The following ZC3H12B variants were observed in gnomAD, a reference collection of about 807,000 sequenced individuals.
ZC3H12B encodes zinc finger CCCH-type containing 12B, also known as probable ribonuclease ZC3H12B.
Under a neutral mutation model 43.9 loss-of-function variants are expected in ZC3H12B, and 7 were observed. That is an observed-to-expected ratio of 0.16 (90% CI 0.09 to 0.30). The LOEUF is 0.30. ZC3H12B is among the 10% of genes least tolerant of loss of function. The pLI is 1.00. For missense variants in ZC3H12B, 475 were observed against 670.2 expected (o/e 0.71, Z 3.22); for synonymous variants, 222 against 241.7 (o/e 0.92, Z 0.76).
At chrX:65,149,426 C>A in the ZC3H12B span, among the ~76,000 whole-genome samples, 2 of 111,576 alleles carry the variant, frequency 1.8e-5, no homozygotes, top group Non-Finnish European at 3.8e-5. Flanking sequence ...AATTACATAG[C>A]AGATAGTTAT....
chrX:65,120,464 G>A, the ZC3H12B span, among the ~76,000 whole-genome samples: 102 of 111,097 alleles, frequency 9.2e-4, no homozygotes, highest in Non-Finnish European at 1.7e-3. Flanking sequence ...TTATTGGTGT[G>A]TAATAATGCT....
intron 3 of ZC3H12B, among the ~76,000 whole-genome samples, chrX:65,437,837 G>C (rs768570417): frequency 1.6e-4 from 18 of 112,078 alleles, no homozygotes; most frequent in Non-Finnish European, 2.8e-4. Flanking sequence ...CAATGTCTTG[G>C]AGAGTTTCCT....
At chrX:65,214,608 C>T in the ZC3H12B span, among the ~76,000 whole-genome samples, 1 of 111,584 alleles carries the variant, frequency 9.0e-6, no homozygotes, top group Non-Finnish European at 1.9e-5. Context: ...GCTATTTCTA[C>T]CACATCTTCA....
the ZC3H12B span, among the ~76,000 whole-genome samples, chrX:65,111,865 G>A: frequency 5.4e-5 from 6 of 110,223 alleles, no homozygotes; most frequent in Non-Finnish European, 1.1e-4. Flanking sequence ...TTTCCCTCTC[G>A]TCTTGTCTCC....
the ZC3H12B span, among the ~76,000 whole-genome samples, chrX:65,078,310 G>A: frequency 8.9e-6 from 1 of 112,376 alleles, no homozygotes; most frequent in African/African-American, 3.2e-5. Context: ...ACAGCTGTGA[G>A]ACTCAGTACA....
chrX:65,303,068 G>GA, the ZC3H12B span, among the ~76,000 whole-genome samples: 1 of 111,496 alleles, frequency 9.0e-6, no homozygotes, highest in Non-Finnish European at 1.9e-5. Context: ...AAATAACACT[G>GA]AAAAAATCTA....
chrX:65,360,396 G>C, the ZC3H12B span, among the ~76,000 whole-genome samples: 1 of 112,032 alleles, frequency 8.9e-6, no homozygotes, highest in Non-Finnish European at 1.9e-5. Context: ...CAAAATATTT[G>C]AATAGACACT....
At chrX:65,375,521 CGAAA>C (rs1270025278) in intron 2 of ZC3H12B, among the ~76,000 whole-genome samples, 3 of 111,683 alleles carry the variant, frequency 2.7e-5, no homozygotes, top group African/African-American at 9.8e-5. Flanking sequence ...CTCATGGCTG[CGAAA>C]GAGACACCTT....
the ZC3H12B span, among the ~76,000 whole-genome samples, chrX:65,192,769 CAGATAGATAGAT>C: frequency 9.6e-6 from 1 of 104,377 alleles, no homozygotes; most frequent in Non-Finnish European, 1.9e-5. Context: ...GGGATTTTCC[CAGATAGATAGAT>C]AGATAGATAG....
At chrX:65,339,412 G>A in the ZC3H12B span, among the ~76,000 whole-genome samples, 1 of 112,112 alleles carries the variant, frequency 8.9e-6, no homozygotes, top group East Asian at 2.8e-4. Flanking sequence ...ATTCTGGCAA[G>A]AGAAGACCCC....
intron 3 of ZC3H12B, among the ~76,000 whole-genome samples, chrX:65,419,682 G>A (rs2066996940): frequency 9.0e-6 from 1 of 110,630 alleles, no homozygotes; most frequent in Non-Finnish European, 1.9e-5. Context: ...CATGGCCCTA[G>A]AACCCTGGCC....
the ZC3H12B span, among the ~76,000 whole-genome samples, chrX:65,246,390 C>T: frequency 8.9e-6 from 1 of 112,196 alleles, no homozygotes; most frequent in Non-Finnish European, 1.9e-5. Flanking sequence ...TGACATTCTT[C>T]ACAGCACTAG....
chrX:65,469,436 G>C (rs1186414167), intron 3 of ZC3H12B: 1 of 459,481 alleles, frequency 2.2e-6, no homozygotes, highest in Non-Finnish European at 4.0e-6. Context: ...CAGAGCTGCG[G>C]CTGGGCCTCA....
At chrX:65,374,394 A>C (rs1170173146) in intron 2 of ZC3H12B, among the ~76,000 whole-genome samples, 1 of 102,696 alleles carries the variant, frequency 9.7e-6, no homozygotes, top group Non-Finnish European at 2.0e-5. Context: ...CCATGTAACA[A>C]ACTTGCAAAT....
chrX:65,140,592 A>T, the ZC3H12B span, among the ~76,000 whole-genome samples: 1 of 111,608 alleles, frequency 9.0e-6, no homozygotes, highest in South Asian at 3.7e-4. Context: ...TGTAGTGTCC[A>T]CTGGCTTTGG....
the ZC3H12B span, among the ~76,000 whole-genome samples, chrX:65,346,246 A>C: frequency 9.2e-6 from 1 of 108,792 alleles, no homozygotes. Context: ...TAACCAAAAC[A>C]GAATGGTACT....
At chrX:65,275,931 G>A in the ZC3H12B span, among the ~76,000 whole-genome samples, 3 of 111,788 alleles carry the variant, frequency 2.7e-5, no homozygotes, top group Non-Finnish European at 5.6e-5. Flanking sequence ...AATGCAGTGA[G>A]ACAATTCAAT....
the ZC3H12B span, among the ~76,000 whole-genome samples, chrX:65,121,119 G>T: frequency 7.2e-5 from 8 of 110,728 alleles, no homozygotes; most frequent in East Asian, 2.3e-3. Flanking sequence ...CTCTTTTTTG[G>T]TTGTGTCTCT....
chrX:65,154,619 C>T, the ZC3H12B span, among the ~76,000 whole-genome samples: 1 of 112,038 alleles, frequency 8.9e-6, no homozygotes, highest in African/African-American at 3.2e-5. Context: ...GAGGCAAAGG[C>T]TGGAGGATTG....
Sources: allele counts gnomAD v4.1 joint callset (sites outside exome capture counted in the v4.1 genomes callset), GRCh38; gene constraint gnomAD v4.1.1; transcripts MANE v1.5; gene names NCBI Gene and HGNC (gene_info 2026-07-23, HGNC 2026-07-21).